The following PDE3B variants were observed in gnomAD, a reference collection of about 807,000 sequenced individuals.
PDE3B encodes phosphodiesterase 3B, also known as cGMP-inhibited 3',5'-cyclic phosphodiesterase 3B.
A neutral mutation model predicts 116.8 loss-of-function variants in PDE3B; 66 were observed. That is an observed-to-expected ratio of 0.56 (90% CI 0.46 to 0.69). The LOEUF is 0.69. PDE3B is among the 30% of genes least tolerant of loss of function. The probability of loss-of-function intolerance (pLI) is 0.00; values close to 1 mark genes in which losing one functional copy is unlikely to be tolerated. For missense variants in PDE3B, 1,384 were observed against 1,368.1 expected, an observed-to-expected ratio of 1.01 and a Z score of -0.18; for synonymous variants, 595 against 533.6, an observed-to-expected ratio of 1.12 and a Z score of -1.59.
chr11:14,889,285 ATTC>A, the PDE3B span, among the ~76,000 whole-genome samples: 1 of 152,182 alleles, frequency 6.6e-6, no homozygotes, highest in East Asian at 1.9e-4. Flanking sequence ...AGGGAACAAT[ATTC>A]TTCAACCTCC....
intron 1 of PDE3B, among the ~76,000 whole-genome samples, chr11:14,714,781 T>A (rs1855827521): frequency 6.6e-6 from 1 of 152,168 alleles, no homozygotes; most frequent in Non-Finnish European, 1.5e-5. Flanking sequence ...TAAGTTTTAT[T>A]TAATTTTAAT....
intron 2 of PDE3B, among the ~76,000 whole-genome samples, chr11:14,780,546 A>G (rs1315981018): frequency 6.6e-6 from 1 of 152,244 alleles, no homozygotes; most frequent in African/African-American, 2.4e-5. Flanking sequence ...GAAACTGAAC[A>G]ACCTGCTCCT....
chr11:14,842,435 G>A (rs983731522), intron 11 of PDE3B, among the ~76,000 whole-genome samples: 2 of 152,098 alleles, frequency 1.3e-5, no homozygotes, highest in Non-Finnish European at 2.9e-5. Context: ...AAATTGTAGG[G>A]AAAGTCCAGA....
At chr11:14,747,910 T>C (rs761480906) in intron 1 of PDE3B, among the ~76,000 whole-genome samples, 23 of 152,172 alleles carry the variant, frequency 1.5e-4, no homozygotes, top group Non-Finnish European at 2.8e-4. Context: ...AAAGCCCCTT[T>C]GAAGAAATAG....
intron 15 of PDE3B, among the ~76,000 whole-genome samples, chr11:14,868,056 T>C (rs186616683): frequency 8.1e-4 from 123 of 152,356 alleles, no homozygotes; most frequent in African/African-American, 2.7e-3. Flanking sequence ...GTTTCTCAGA[T>C]ACAGATTCAG....
Position 14,867,749 on chromosome 11 carries a change from C to G in PDE3B, c.3130C>G (p.Leu1044Val), listed in dbSNP as rs961055814. The change falls in exon 15 of 16, where the codon CTA becomes GTA. Residue 1044 changes from leucine (L) to valine (V), a missense_variant. Physicochemically the swap from Leu to Val is conservative, Grantham distance 32. Around this residue, in one of 2 missense-constraint regions of PDE3B, gnomAD observed 428 missense variants for 561.4 expected, o/e 0.76. Transcript: ENST00000282096. ...DTEDEEMENN[L>V]NPKPPRRKSR... Reference sequence around the variant, plus strand: ...AGAAGATGAAGAAATGGAAAACAATCTAAATCCAAGTAAGAATATAGGGAC... The same window carrying G: ...AGAAGATGAAGAAATGGAAAACAATGTAAATCCAAGTAAGAATATAGGGAC... 1 of 1,605,050 alleles carries G rather than the reference C, an allele frequency of 6.2e-7. No homozygotes were observed. Among genetic ancestry groups the G allele is most frequent in the Non-Finnish European group, 8.5e-7 (1 of 1,172,076 alleles).
chr11:14,673,983 T>A (rs943088576), intron 1 of PDE3B: 11 of 1,358,302 alleles, frequency 8.1e-6, no homozygotes, highest in Non-Finnish European at 1.2e-5. Context: ...AAGAATGGAA[T>A]CCACATTTCT....
intron 12 of PDE3B, among the ~76,000 whole-genome samples, chr11:14,847,530 C>G (rs1222693835): frequency 1.3e-5 from 2 of 151,370 alleles, no homozygotes; most frequent in Non-Finnish European, 2.9e-5. Flanking sequence ...AAAAACCCTT[C>G]AAAAAATCAA....
the PDE3B span, among the ~76,000 whole-genome samples, chr11:14,898,479 G>A: frequency 2.5e-3 from 386 of 152,212 alleles, 3 homozygotes; most frequent in African/African-American, 8.8e-3. Flanking sequence ...AAGTCATAGC[G>A]TGACCTGATA....
intron 7 of PDE3B, among the ~76,000 whole-genome samples, chr11:14,828,872 G>A (rs569631025): frequency 6.6e-6 from 1 of 152,154 alleles, no homozygotes; most frequent in Non-Finnish European, 1.5e-5. Flanking sequence ...TATGTTTATT[G>A]CAGCACTATT....
At chr11:14,746,358 CT>C (rs1856910374) in intron 1 of PDE3B, among the ~76,000 whole-genome samples, 1 of 152,226 alleles carries the variant, frequency 6.6e-6, no homozygotes, top group East Asian at 1.9e-4. Flanking sequence ...GCACTCCAGC[CT>C]GGGTGATGGA....
chr11:14,867,279 A>G (rs1848064607), intron 14 of PDE3B, among the ~76,000 whole-genome samples: 1 of 152,204 alleles, frequency 6.6e-6, no homozygotes, highest in African/African-American at 2.4e-5. Context: ...TTATTAACTG[A>G]GTATCAGCCA....
chr11:14,660,998 G>A (rs1056045109), intron 1 of PDE3B, among the ~76,000 whole-genome samples: 4 of 152,138 alleles, frequency 2.6e-5, no homozygotes, highest in African/African-American at 2.4e-5. Flanking sequence ...TAGAATGGCA[G>A]TCATTAAAAA....
intron 2 of PDE3B, among the ~76,000 whole-genome samples, chr11:14,779,872 G>C (rs1385397371): frequency 6.6e-6 from 1 of 151,914 alleles, no homozygotes; most frequent in Non-Finnish European, 1.5e-5. Context: ...ACACAGACTG[G>C]CAAATTGGAT....
the PDE3B span, chr11:14,887,634 T>G: frequency 5.8e-5 from 57 of 985,242 alleles, no homozygotes; most frequent in Non-Finnish European, 6.6e-5. Flanking sequence ...CCTTGCCTTC[T>G]AGATCACTCC....
chr11:14,788,392 A>G (rs1405449311), intron 3 of PDE3B, among the ~76,000 whole-genome samples: 1 of 151,994 alleles, frequency 6.6e-6, no homozygotes, highest in Non-Finnish European at 1.5e-5. Flanking sequence ...CTAATTAACT[A>G]TTAACCTTTA....
chr11:14,655,204 GA>G (rs1247326563), intron 1 of PDE3B, among the ~76,000 whole-genome samples: 1 of 151,970 alleles, frequency 6.6e-6, no homozygotes, highest in Admixed American at 6.6e-5. Flanking sequence ...ATTAATATCA[GA>G]AAAACTGGGA....
intron 5 of PDE3B, among the ~76,000 whole-genome samples, chr11:14,807,286 A>G (rs1477390126): frequency 6.6e-6 from 1 of 152,226 alleles, no homozygotes; most frequent in Non-Finnish European, 1.5e-5. Flanking sequence ...GGTAAACACA[A>G]TAATAACTTT....
chr11:14,658,728 T>C (rs1036225417), intron 1 of PDE3B, among the ~76,000 whole-genome samples: 3 of 152,238 alleles, frequency 2.0e-5, no homozygotes, highest in Non-Finnish European at 4.4e-5. Flanking sequence ...GCCTAGATTC[T>C]GCCTTTGTTC....
Sources: allele counts gnomAD v4.1 joint callset (sites outside exome capture counted in the v4.1 genomes callset), GRCh38; gene constraint gnomAD v4.1.1; regional missense constraint gnomAD v4.1.1; transcripts MANE v1.5; gene names NCBI Gene and HGNC (gene_info 2026-07-23, HGNC 2026-07-21).